NXN: variants seen among roughly 807,000 people sequenced by gnomAD.
NXN encodes nucleoredoxin 1.
NXN carries 16 observed loss-of-function variants against 48.6 expected under a neutral mutation model. The ratio of observed to expected loss-of-function variants is 0.33; its 90% CI spans 0.22 to 0.50. NXN has a LOEUF of 0.50. Among genes scored for constraint, NXN ranks in the 20% least tolerant of loss-of-function variants. The pLI is 0.98. For synonymous variants in NXN, 281 were observed against 269.6 expected (o/e 1.04, Z -0.41); for missense variants, 492 against 605.5 (o/e 0.81, Z 1.97).
intron 1 of NXN, among the ~76,000 whole-genome samples, chr17:974,412 TCAGTA>T (rs2069432553): frequency 6.6e-6 from 1 of 152,030 alleles, no homozygotes; most frequent in African/African-American, 2.4e-5. Flanking sequence ...GTTTTACAGT[TCAGTA>T]ATGTGATAGA....
intron 1 of NXN, among the ~76,000 whole-genome samples, chr17:923,418 G>A (rs1196414129): frequency 6.6e-6 from 1 of 152,154 alleles, no homozygotes; most frequent in African/African-American, 2.4e-5. Flanking sequence ...AGCTACCCCG[G>A]AGGCTGAGAC....
rs772681179 is a variant in NXN at position 800,969 on chromosome 17, G to C, written c.1288C>G (p.Leu430Val). 3 of 1,508,334 alleles carry C rather than the reference G, an allele frequency of 2.0e-6. No individual in the cohort carries two copies. The South Asian group carries it at 3.9e-5, about 20-fold the overall frequency. 93.4% of individuals were successfully genotyped at this position (1,508,334 alleles called of 1,614,324 possible). Residue 430 changes from leucine to valine, a missense_variant, in exon 8 of 8, where the codon CTC becomes GTC. By Grantham distance (32) the Leu-to-Val change is conservative. Around this residue, in one of 3 missense-constraint regions of NXN, gnomAD observed 303 missense variants for 388.3 expected, o/e 0.78. Transcript: ENST00000336868. ...CCACGCTAGATGGGCTCCGGTTTGA[G>C]CTTCTCTGCTAGGAAGTCATTCACA... ...AFVNDFLAEK[L>V]KPEPI
At chr17:820,568 T>A (rs7217087) in intron 4 of NXN, among the ~76,000 whole-genome samples, 10 of 101,334 alleles carry the variant, frequency 9.9e-5, no homozygotes, top group South Asian at 7.4e-4. Flanking sequence ...GCCGAGATCG[T>A]GCCACTGCAC....
At chr17:959,385 A>G (rs10902640) in intron 1 of NXN, 189,560 of 218,770 alleles carry the variant, frequency 0.87, 85,884 homozygotes, top group Non-Finnish European at 0.98. Flanking sequence ...TGCCCCGGCC[A>G]GAGCGGGAGA....
At chr17:889,907 G>A (rs8067018) in intron 1 of NXN, among the ~76,000 whole-genome samples, 6 of 152,094 alleles carry the variant, frequency 3.9e-5, no homozygotes, top group East Asian at 3.9e-4. Flanking sequence ...GCACTGCCAC[G>A]TTTTCCCTTC....
chr17:810,226 T>C (rs1261013335), intron 5 of NXN, among the ~76,000 whole-genome samples: 7 of 121,930 alleles, frequency 5.7e-5, no homozygotes, highest in Admixed American at 5.5e-4. Flanking sequence ...TACGAGTCCG[T>C]GTGAGTGGCG....
At chr17:961,759 T>G (rs1226442406) in intron 1 of NXN, among the ~76,000 whole-genome samples, 2 of 152,214 alleles carry the variant, frequency 1.3e-5, no homozygotes, top group African/African-American at 4.8e-5. Flanking sequence ...AGCAACCCTT[T>G]GACTTTTCTT....
At chr17:933,381 G>A (rs896112550) in intron 1 of NXN, 1 of 152,198 alleles carries the variant, frequency 6.6e-6, no homozygotes, top group African/African-American at 2.4e-5. Flanking sequence ...GAGAGACTCC[G>A]GGCACACATC....
At chr17:947,590 G>A (rs1016593611) in intron 1 of NXN, among the ~76,000 whole-genome samples, 19 of 151,922 alleles carry the variant, frequency 1.3e-4, no homozygotes, top group Non-Finnish European at 1.6e-4. Context: ...AAAATTAGCC[G>A]GGAGTGGTGG....
intron 1 of NXN, among the ~76,000 whole-genome samples, chr17:963,764 G>A (rs1003426189): frequency 1.3e-5 from 2 of 152,028 alleles, no homozygotes; most frequent in Non-Finnish European, 1.5e-5. Context: ...TTGGAAAGAG[G>A]ATTATTGTTA....
At chr17:898,176 T>C (rs1351816436) in intron 1 of NXN, among the ~76,000 whole-genome samples, 3 of 152,102 alleles carry the variant, frequency 2.0e-5, no homozygotes, top group African/African-American at 4.8e-5. Flanking sequence ...GGCTGGATGG[T>C]TTCTCCCTGG....
At chr17:857,501 T>G (rs932047474) in intron 1 of NXN, among the ~76,000 whole-genome samples, 7 of 152,128 alleles carry the variant, frequency 4.6e-5, no homozygotes, top group African/African-American at 1.7e-4. Context: ...CCTCAGATGA[T>G]CTGCCTGCCT....
At chr17:911,938 CT>C (rs147131427) in intron 1 of NXN, among the ~76,000 whole-genome samples, 39,489 of 141,482 alleles carry the variant, frequency 0.28, 6,012 homozygotes, top group Middle Eastern at 0.42. Flanking sequence ...CATGCATATA[CT>C]TTTTTTTTTT....
chr17:831,221 A>G (rs577421128), intron 1 of NXN, among the ~76,000 whole-genome samples: 1 of 151,798 alleles, frequency 6.6e-6, no homozygotes, highest in South Asian at 2.1e-4. Flanking sequence ...GCACTTAGGG[A>G]GGCAAGGGGG....
At position 849,892 on chromosome 17, in the gene NXN, G is replaced by A. The variant is rs556553764; in HGVS notation, c.361-23814C>T. Among the ~76,000 whole-genome samples, 26 of 152,256 alleles carry A rather than the reference G, an allele frequency of 1.7e-4. No individual in the cohort carries two copies. Among genetic ancestry groups the A allele is most frequent in the African/African-American group, 5.8e-4 (24 of 41,544 alleles). ...ACACCAGAGTCAGAGAGGAGCGAAC[G>A]AGAGAAGCTGCAGAGCCCCCAAGGA... On this transcript the variant is annotated intron_variant, in intron 1 of 7. Transcript: ENST00000336868. This position sits in a 1 kb window ranked among gnomAD's most constrained non-coding sequence, Gnocchi z 4.2.
chr17:946,078 C>G (rs1423721954), intron 1 of NXN, among the ~76,000 whole-genome samples: 2 of 151,728 alleles, frequency 1.3e-5, no homozygotes, highest in Non-Finnish European at 2.9e-5. Context: ...GTTGGGGGAG[C>G]TGGGTAACTA....
intron 7 of NXN, among the ~76,000 whole-genome samples, chr17:801,604 G>A (rs1321598897): frequency 6.6e-6 from 1 of 151,756 alleles, no homozygotes; most frequent in Non-Finnish European, 1.5e-5. Flanking sequence ...CACCACGCCC[G>A]GCTAATTTTT....
intron 1 of NXN, among the ~76,000 whole-genome samples, chr17:944,025 G>C (rs2069013944): frequency 1.3e-5 from 2 of 152,012 alleles, no homozygotes; most frequent in Non-Finnish European, 2.9e-5. Flanking sequence ...ATCACCTGAG[G>C]TCAGGGGTTC....
intron 1 of NXN, among the ~76,000 whole-genome samples, chr17:859,883 A>G (rs73291545): frequency 0.01 from 1,570 of 152,186 alleles, 25 homozygotes; most frequent in African/African-American, 0.036. Flanking sequence ...AAGAGCAGGA[A>G]CTCCAATCTG....
Sources: gnomAD v4.1 joint callset for allele counts (sites outside exome capture counted in the v4.1 genomes callset) on GRCh38, gnomAD v4.1.1 for gene constraint, gnomAD v4.1.1 regional missense constraint, Gnocchi (gnomAD v3.1) non-coding constraint, MANE v1.5 for transcripts, NCBI Gene and HGNC (gene_info 2026-07-23, HGNC 2026-07-21) for gene names.